NCALD: variants seen among roughly 807,000 people sequenced by gnomAD.
The protein encoded by NCALD is neurocalcin delta.
A neutral mutation model predicts 18.6 loss-of-function variants in NCALD; 10 were observed. That is an observed-to-expected ratio of 0.54 (90% CI 0.33 to 0.91). The LOEUF is 0.91. NCALD is among the 40% of genes least tolerant of loss of function. The pLI is 0.03. For synonymous variants in NCALD, 88 were observed against 87.4 expected, an observed-to-expected ratio of 1.01 and a Z score of -0.04; for missense variants, 184 against 247.6, an observed-to-expected ratio of 0.74 and a Z score of 1.72.
chr8:101,924,222 A>G (rs1475304516), intron 2 of NCALD, among the ~76,000 whole-genome samples: 1 of 152,216 alleles, frequency 6.6e-6, no homozygotes, highest in Non-Finnish European at 1.5e-5. Flanking sequence ...GATACTATAT[A>G]GTCACCAATA....
At chr8:101,973,408 G>A (rs1659775879) in intron 2 of NCALD, among the ~76,000 whole-genome samples, 1 of 152,154 alleles carries the variant, frequency 6.6e-6, no homozygotes, top group Non-Finnish European at 1.5e-5. Flanking sequence ...TTAGACTGAG[G>A]TTAGGGGTTT....
chr8:101,872,672 T>C (rs990444695), intron 4 of NCALD: 9 of 362,564 alleles, frequency 2.5e-5, no homozygotes, highest in Non-Finnish European at 3.1e-5. Context: ...ATCTATACCA[T>C]GATAAAGGCT....
At chr8:101,872,183 C>T in intron 4 of NCALD, 1 of 1,600,908 alleles carries the variant, frequency 6.2e-7, no homozygotes, top group South Asian at 1.1e-5. Context: ...AGGGGAATTC[C>T]TCGTTTGCAA....
At chr8:101,746,006 A>T (rs1410508158) in intron 1 of NCALD, 1 of 152,232 alleles carries the variant, frequency 6.6e-6, no homozygotes, top group East Asian at 1.9e-4. Context: ...GGGAATGAAC[A>T]CACATTTGTG....
intron 1 of NCALD, among the ~76,000 whole-genome samples, chr8:102,089,630 C>T (rs1169779242): frequency 6.6e-6 from 1 of 151,142 alleles, no homozygotes; most frequent in African/African-American, 2.4e-5. Flanking sequence ...AACAGTTTTA[C>T]ATGGAAGGTG....
chr8:101,751,948 G>A (rs1468391241), intron 1 of NCALD, among the ~76,000 whole-genome samples: 4 of 152,098 alleles, frequency 2.6e-5, no homozygotes, highest in African/African-American at 9.7e-5. Context: ...AATTTATCAG[G>A]CATTTCCAGA....
At chr8:101,793,848 A>C (rs1812536959), upstream of NCALD, among the ~76,000 whole-genome samples, 1 of 152,228 alleles carries the variant, frequency 6.6e-6, no homozygotes, top group East Asian at 1.9e-4. Context: ...GCCAGAAATA[A>C]CTGGTAAATG....
chr8:101,829,229 T>C (rs1468257320), intron 4 of NCALD, among the ~76,000 whole-genome samples: 1 of 152,244 alleles, frequency 6.6e-6, no homozygotes, highest in African/African-American at 2.4e-5. Flanking sequence ...TATTGAGGTC[T>C]CATCTTTTTC....
chr8:101,872,879 T>A (rs1463593590), intron 4 of NCALD, among the ~76,000 whole-genome samples: 2 of 152,188 alleles, frequency 1.3e-5, no homozygotes, highest in Admixed American at 6.5e-5. Context: ...GCCTCCAAGC[T>A]GAGCCCCTCT....
intron 1 of NCALD, among the ~76,000 whole-genome samples, chr8:101,742,271 T>C (rs1466506481): frequency 1.3e-5 from 2 of 152,002 alleles, no homozygotes; most frequent in Non-Finnish European, 2.9e-5. Flanking sequence ...TTCATCCACA[T>C]AATTTTATTG....
At chr8:101,878,603 A>C (rs777578801) in intron 4 of NCALD, among the ~76,000 whole-genome samples, 21 of 152,204 alleles carry the variant, frequency 1.4e-4, no homozygotes, top group Non-Finnish European at 2.8e-4. Flanking sequence ...AGTGAAAGAA[A>C]ATTAAATTAT....
At chr8:101,949,320 C>T (rs971674862) in intron 2 of NCALD, among the ~76,000 whole-genome samples, 1 of 152,022 alleles carries the variant, frequency 6.6e-6, no homozygotes, top group African/African-American at 2.4e-5. Context: ...CCCTAGTTAT[C>T]TGGTTGAAGG....
intron 2 of NCALD, among the ~76,000 whole-genome samples, chr8:101,714,039 C>T (rs139632877): frequency 0.026 from 3,908 of 152,228 alleles, 131 homozygotes; most frequent in African/African-American, 0.077. Flanking sequence ...AATATCACAC[C>T]GAATGGGCAA....
chr8:101,911,287 G>A (rs1366452586), intron 3 of NCALD, among the ~76,000 whole-genome samples: 2 of 149,154 alleles, frequency 1.3e-5, no homozygotes, highest in African/African-American at 4.9e-5. Context: ...AAAAAGAGGA[G>A]AAGGGGGGAG....
chr8:101,796,552 A>G (rs926026817), intron 4 of NCALD, among the ~76,000 whole-genome samples: 5 of 152,228 alleles, frequency 3.3e-5, no homozygotes, highest in African/African-American at 7.2e-5. Flanking sequence ...AAAGTACAAT[A>G]GATGGGTTTA....
intron 3 of NCALD, among the ~76,000 whole-genome samples, chr8:101,911,952 G>A (rs1357554802): frequency 1.3e-5 from 2 of 152,006 alleles, no homozygotes; most frequent in Admixed American, 6.6e-5. Flanking sequence ...ATACACTTCA[G>A]ATACCTAAAT....
At chr8:101,785,453 T>C (rs1340250296) in intron 1 of NCALD, among the ~76,000 whole-genome samples, 3 of 152,174 alleles carry the variant, frequency 2.0e-5, no homozygotes, top group African/African-American at 7.2e-5. Context: ...AGAGTATCAC[T>C]AGCAAGTGGT....
chr8:102,017,040 T>C (rs1822105908), intron 2 of NCALD, among the ~76,000 whole-genome samples: 1 of 152,094 alleles, frequency 6.6e-6, no homozygotes, highest in African/African-American at 2.4e-5. Context: ...AACTTAAAGA[T>C]AGATTAATAG....
intron 1 of NCALD, among the ~76,000 whole-genome samples, chr8:101,762,193 T>C (rs529178056): frequency 1.2e-4 from 18 of 152,282 alleles, no homozygotes; most frequent in African/African-American, 3.8e-4. Context: ...TGGATACCTC[T>C]TTATTTCCCC....
Sources: gnomAD v4.1 joint callset for allele counts (sites outside exome capture counted in the v4.1 genomes callset) on GRCh38, gnomAD v4.1.1 for gene constraint, MANE v1.5 for transcripts, NCBI Gene and HGNC (gene_info 2026-07-23, HGNC 2026-07-21) for gene names.